PREX1: variants seen among roughly 807,000 people sequenced by gnomAD.
The protein encoded by PREX1 is phosphatidylinositol 3,4,5-trisphosphate-dependent Rac exchanger 1 protein.
PREX1 carries 41 observed loss-of-function variants against 198.3 expected under a neutral mutation model. That is an observed-to-expected ratio of 0.21 (90% CI 0.16 to 0.27). PREX1 has a LOEUF of 0.27. Ranked by LOEUF, PREX1 falls within the 10% of genes least tolerant of loss-of-function variation. PREX1 has a pLI of 1.00. For missense variants in PREX1, 1,620 were observed against 2,200.7 expected, an observed-to-expected ratio of 0.74 and a Z score of 5.28; for synonymous variants, 843 against 887.2, an observed-to-expected ratio of 0.95 and a Z score of 0.89.
At chr20:48,825,888 G>C (rs1430136688) in intron 1 of PREX1, among the ~76,000 whole-genome samples, 1 of 127,944 alleles carries the variant, frequency 7.8e-6, no homozygotes, top group East Asian at 2.2e-4. Flanking sequence ...TGTGAGAGAA[G>C]AAGGGATGGG....
At chr20:48,718,367 T>A (rs1393475638) in intron 5 of PREX1, among the ~76,000 whole-genome samples, 2 of 152,118 alleles carry the variant, frequency 1.3e-5, no homozygotes, top group African/African-American at 4.8e-5. Context: ...ATGATAGCTA[T>A]AAATTTCAAC....
rs546827811 is a variant in PREX1 at position 48,684,292 on chromosome 20, T to G, written c.1335-2957A>C. On this transcript the variant is annotated intron_variant, in intron 10 of 39. Transcript: ENST00000371941. The surrounding 1 kb of genome is among the most constrained non-coding windows in gnomAD (Gnocchi z 4.2). ...ATGACCCAACACAAGAATCCCTTGT[T>G]CTTGCCTGATTCCTCCATGGGCCGT... 6.6e-6 allele frequency among the ~76,000 whole-genome samples: 1 copy of G among 152,290 alleles called. No homozygotes were observed. The highest frequency in any genetic ancestry group is 2.1e-4 in the South Asian group (1 of 4,830).
chr20:48,833,940 G>A, the PREX1 span, among the ~76,000 whole-genome samples: 5 of 152,068 alleles, frequency 3.3e-5, no homozygotes, highest in African/African-American at 9.7e-5. Context: ...AATATTAGCC[G>A]GTCCTGGTGG....
At chr20:48,803,973 G>A (rs1290211780) in intron 1 of PREX1, among the ~76,000 whole-genome samples, 2 of 152,196 alleles carry the variant, frequency 1.3e-5, no homozygotes, top group Non-Finnish European at 2.9e-5. Context: ...ACAGTCCTGA[G>A]TGATACAGCT....
At chr20:48,679,567 G>A in intron 12 of PREX1, 84 bp downstream of exon 12, 1 of 1,436,544 alleles carries the variant, frequency 7.0e-7, no homozygotes, top group Non-Finnish European at 9.8e-7. Flanking sequence ...CAAGCCAAGG[G>A]GCACAGGCCT....
chr20:48,883,899 G>A, the PREX1 span, among the ~76,000 whole-genome samples: 1 of 152,084 alleles, frequency 6.6e-6, no homozygotes, highest in African/African-American at 2.4e-5. Context: ...CCAGCACTTT[G>A]GGGGGCTGAG....
At chr20:48,709,908 T>C (rs184931107) in intron 5 of PREX1, among the ~76,000 whole-genome samples, 4 of 151,748 alleles carry the variant, frequency 2.6e-5, no homozygotes, top group Non-Finnish European at 5.9e-5. Flanking sequence ...TTCTTCCCTG[T>C]CCGAAAACAA....
the PREX1 span, among the ~76,000 whole-genome samples, chr20:48,884,104 A>C: frequency 6.8e-6 from 1 of 147,962 alleles, no homozygotes; most frequent in Non-Finnish European, 1.5e-5. Flanking sequence ...TCACCACTGC[A>C]CTCCAGCCTG....
chr20:48,818,267 G>C (rs1053077233), intron 1 of PREX1, among the ~76,000 whole-genome samples: 1 of 152,170 alleles, frequency 6.6e-6, no homozygotes, highest in African/African-American at 2.4e-5. Context: ...GCATAACTTG[G>C]TGAATATACT....
rs541242489 is a variant in PREX1 at position 48,719,681 on chromosome 20, G to A, written c.621+6609C>T. ...AAAGGACAATTGTCCAATAGAAAAT[G>A]GGCAAAGGATGTGAAAAGGCAACTC... On this transcript the variant is annotated intron_variant, in intron 5 of 39. Coordinates refer to ENST00000371941, the MANE Select transcript of PREX1 (RefSeq NM_020820.4). 4.5e-4 allele frequency among the ~76,000 whole-genome samples: 68 copies of A among 152,200 alleles called. 1 individual carries two copies. The highest frequency in any genetic ancestry group is 1.6e-3 in the African/African-American group (67 of 41,508).
chr20:48,786,800 A>C (rs1227156326), intron 1 of PREX1, among the ~76,000 whole-genome samples: 1 of 103,558 alleles, frequency 9.7e-6, no homozygotes, highest in Non-Finnish European at 1.9e-5. Flanking sequence ...AAGAAAAGAA[A>C]GAGAAGGAAG....
chr20:48,763,165 G>T, intron 1 of PREX1, among the ~76,000 whole-genome samples: 1 of 152,234 alleles, frequency 6.6e-6, no homozygotes, highest in East Asian at 1.9e-4. Flanking sequence ...GAAGAAAAAA[G>T]AAATAGATAC....
chr20:48,769,727 G>C (rs2122874801), intron 1 of PREX1, among the ~76,000 whole-genome samples: 1 of 152,274 alleles, frequency 6.6e-6, no homozygotes, highest in Admixed American at 6.5e-5. Context: ...GCTCCTTCAG[G>C]TCTCTGCTCA....
intron 7 of PREX1, among the ~76,000 whole-genome samples, chr20:48,699,552 T>C (rs1332955830): frequency 1.3e-5 from 2 of 152,008 alleles, no homozygotes; most frequent in African/African-American, 2.4e-5. Flanking sequence ...CACCCATCCA[T>C]TCACTCAGTA....
At chr20:48,868,793 C>T in the PREX1 span, among the ~76,000 whole-genome samples, 1 of 152,068 alleles carries the variant, frequency 6.6e-6, no homozygotes, top group Non-Finnish European at 1.5e-5. Flanking sequence ...GTGTTTTATC[C>T]CATTTTACAT....
At chr20:48,717,395 C>T (rs934010365) in intron 5 of PREX1, among the ~76,000 whole-genome samples, 1 of 152,072 alleles carries the variant, frequency 6.6e-6, no homozygotes, top group Non-Finnish European at 1.5e-5. Flanking sequence ...CTCAGGAAGC[C>T]TGGCTTGCTC....
At chr20:48,803,785 G>T (rs2090398033) in intron 1 of PREX1, among the ~76,000 whole-genome samples, 1 of 152,192 alleles carries the variant, frequency 6.6e-6, no homozygotes, top group South Asian at 2.1e-4. Context: ...GGGCCCTCTG[G>T]ATGGGTGATA....
chr20:48,741,823 T>C (rs1027189244), intron 3 of PREX1, among the ~76,000 whole-genome samples: 2 of 152,122 alleles, frequency 1.3e-5, no homozygotes, highest in African/African-American at 2.4e-5. Context: ...CTGAGGGAAC[T>C]GGTCCAGCAG....
At chr20:48,692,854 AG>A in intron 7 of PREX1, 64 bp from the exon 8 acceptor site, 1 of 1,366,564 alleles carries the variant, frequency 7.3e-7, no homozygotes, top group Non-Finnish European at 1.0e-6. Context: ...TGTTTTCAAC[AG>A]CGCAAAGGGG....
Sources: allele counts gnomAD v4.1 joint callset (sites outside exome capture counted in the v4.1 genomes callset), GRCh38; gene constraint gnomAD v4.1.1; non-coding constraint Gnocchi (gnomAD v3.1); transcripts MANE v1.5; gene names NCBI Gene and HGNC (gene_info 2026-07-23, HGNC 2026-07-21).